APCDD1: variants seen among roughly 807,000 people sequenced by gnomAD.
APCDD1 encodes APC down-regulated 1, also known as protein APCDD1.
APCDD1 carries 15 observed loss-of-function variants against 38.1 expected under a neutral mutation model. The ratio of observed to expected loss-of-function variants is 0.39; its 90% confidence interval spans 0.26 to 0.61. The LOEUF is 0.61. APCDD1 is among the 20% of genes least tolerant of loss of function. APCDD1 has a pLI of 0.49. For synonymous variants in APCDD1, 261 were observed against 279.7 expected (o/e 0.93, Z 0.67); for missense variants, 647 against 696.2 (o/e 0.93, Z 0.79).
In APCDD1 at chr18:10,485,452, T is replaced by C. The variant is rs751072365; in HGVS notation, c.775-10T>C. The C allele has an allele frequency of 2.9e-5, 46 of 1,613,618 alleles. No homozygotes were observed. Among genetic ancestry groups the C allele is most frequent in the Non-Finnish European group, 3.6e-5 (43 of 1,180,044 alleles). ...AGAGGCCTCTGAATGTGTTTGTTTC[T>C]TGGCTTCAGAACCACGACCATGCCT... On this transcript the variant is annotated splice_polypyrimidine_tract_variant and intron_variant, in intron 3 of 4. Transcript: ENST00000355285. The surrounding 1 kb of genome is among the most constrained non-coding windows in gnomAD (Gnocchi z 5.8).
chr18:10,455,952 A>G (rs2030370745), intron 1 of APCDD1, among the ~76,000 whole-genome samples: 2 of 152,184 alleles, frequency 1.3e-5, no homozygotes, highest in Admixed American at 6.5e-5. Context: ...CTGACGTTTC[A>G]ACAGCATGAC....
At chr18:10,455,104 C>A (rs2030341442) in intron 1 of APCDD1, 65 bp downstream of exon 1, 2 of 1,541,724 alleles carry the variant, frequency 1.3e-6, no homozygotes, top group Non-Finnish European at 1.7e-6. Flanking sequence ...CCGCGGAGCC[C>A]GCGGAGGCGT....
At position 10,454,985 on chromosome 18, in the gene APCDD1, T is replaced by C. The variant is rs767678347; in HGVS notation, c.4T>C (p.Ser2Pro). M[S>P]WPRRLLLRYL... ...AGGCCCCAGAGCAGGACTGGAAATG[T>C]CCTGGCCGCGCCGCCTCCTGCTCAG... Residue 2 changes from serine (S) to proline (P), a missense_variant, in exon 1 of 5, where the codon TCC (serine) becomes CCC (proline). Coordinates refer to ENST00000355285, the MANE Select transcript of APCDD1 (RefSeq NM_153000.5). 11 of 1,551,854 alleles carry C rather than the reference T, an allele frequency of 7.1e-6. No individual in the cohort carries two copies. Among genetic ancestry groups the C allele is most frequent in the African/African-American group, 1.4e-5 (1 of 72,562 alleles).
At position 10,482,504 on chromosome 18, in the gene APCDD1, G is replaced by A. The variant is rs139475284; in HGVS notation, c.775-2958G>A. 1.9e-3 allele frequency among the ~76,000 whole-genome samples: 291 copies of A among 152,324 alleles called. 1 individual carries two copies. The highest frequency in any genetic ancestry group is 0.015 in the East Asian group (79 of 5,172). ...GCGCTTCTTGTTACCCTGATGGTAC[G>A]AGTGCTTCATGTGGCCTCTCTTATT... On this transcript the variant is annotated intron_variant, in intron 3 of 4. Coordinates refer to ENST00000355285, the MANE Select transcript of APCDD1 (RefSeq NM_153000.5).
At chr18:10,487,506 G>A in intron 4 of APCDD1, 84 bp from the exon 5 acceptor site, 7 of 1,355,432 alleles carry the variant, frequency 5.2e-6, no homozygotes, top group Non-Finnish European at 7.4e-6. Flanking sequence ...TGTCTAGTTA[G>A]AGTGTGGCCA....
chr18:10,487,839 C>A lies in APCDD1; in HGVS notation c.1346C>A (p.Pro449Gln). The part of the protein sequence containing the change: ...NGQRPSDGSS[P>Q]DRPEKRATSY... ...CAGAGGCCCAGCGACGGGTCCAGCC[C>A]AGACAGGCCAGAGAAGAGAGCCACG... is the stretch of plus-strand genomic sequence containing the variant. Residue 449 changes from proline to glutamine, a missense_variant, in exon 5 of 5, where the codon CCA becomes CAA. Pro to Gln is a moderately conservative substitution (Grantham distance 76). Transcript: ENST00000355285. 4 of 1,613,986 alleles carry A rather than the reference C, an allele frequency of 2.5e-6. No homozygotes were observed. Among genetic ancestry groups the A allele is most frequent in the Non-Finnish European group, 3.4e-6 (4 of 1,180,040 alleles).
At chr18:10,481,808 C>T (rs1481636463) in intron 3 of APCDD1, among the ~76,000 whole-genome samples, 2 of 149,996 alleles carry the variant, frequency 1.3e-5, no homozygotes, top group Non-Finnish European at 3.0e-5. Flanking sequence ...CTCCCTGCGC[C>T]TGTGCTCTCC....
intron 3 of APCDD1, among the ~76,000 whole-genome samples, chr18:10,478,849 G>T (rs2031068809): frequency 6.6e-6 from 1 of 152,088 alleles, no homozygotes; most frequent in South Asian, 2.1e-4. Flanking sequence ...ATCAAAATGA[G>T]CCCCAATTCA....
intron 1 of APCDD1, among the ~76,000 whole-genome samples, chr18:10,468,154 C>CACA (rs1296359118): frequency 5.9e-5 from 9 of 152,226 alleles, no homozygotes; most frequent in African/African-American, 2.2e-4. Context: ...TCCTCAGATG[C>CACA]ACAACCTTCA....
chr18:10,464,327 C>CAT (rs2030649413), intron 1 of APCDD1, among the ~76,000 whole-genome samples: 1 of 150,372 alleles, frequency 6.7e-6, no homozygotes, highest in South Asian at 2.1e-4. Flanking sequence ...CACACACACA[C>CAT]ACACACACAC....
chr18:10,485,686 G>A lies in APCDD1; in HGVS notation c.999G>A (p.Val333=). 20 of 1,614,202 alleles carry A rather than the reference G, an allele frequency of 1.2e-5. No homozygotes were observed. Among genetic ancestry groups the A allele is most frequent in the Non-Finnish European group, 1.7e-5 (20 of 1,180,042 alleles). The change falls in exon 4 of 5, where the codon GTG becomes GTA. Residue 333 remains valine (V), a synonymous_variant. Coordinates refer to ENST00000355285, the MANE Select transcript of APCDD1 (RefSeq NM_153000.5). The surrounding 1 kb of genome is among the most constrained non-coding windows in gnomAD (Gnocchi z 5.8). ...ACTACTACCACTACTCAGACCCGGT[G>A]TGCAAGCACCCCACCTTCTCCATCT... ...EGHYYHYSDP[V]CKHPTFSIYA...
At chr18:10,482,664 T>A (rs927848056) in intron 3 of APCDD1, among the ~76,000 whole-genome samples, 1 of 152,062 alleles carries the variant, frequency 6.6e-6, no homozygotes, top group Non-Finnish European at 1.5e-5. Flanking sequence ...GAATCCAAGT[T>A]CCCAGCCAGT....
rs148353266 is a variant in APCDD1 at position 10,458,630 on chromosome 18, C to G, written c.58+3591C>G. ...TTCTTTTATACTAGCTGAGTTCATTCTTTTTCCCCTTAAATGAGAAAAGAA... is the reference window on the plus strand; with the variant it reads ...TTCTTTTATACTAGCTGAGTTCATTGTTTTTCCCCTTAAATGAGAAAAGAA... On this transcript the variant is annotated intron_variant, in intron 1 of 4. Transcript: ENST00000355285. Among the ~76,000 whole-genome samples, 733 of 152,262 alleles carry G rather than the reference C, an allele frequency of 4.8e-3. 3 individuals are homozygous for G. Among genetic ancestry groups the G allele is most frequent in the Non-Finnish European group, 8.6e-3 (585 of 68,020 alleles).
rs1261981648 is a variant in APCDD1 at position 10,467,168 on chromosome 18, G to A, written c.59-1301G>A. On this transcript the variant is annotated intron_variant, in intron 1 of 4. Transcript: ENST00000355285. The surrounding 1 kb of genome is among the most constrained non-coding windows in gnomAD (Gnocchi z 4.8). ...AGATATCTGAAGTTACCATCCTGCAGGTCTCAGTTTATCCAGGTAGATTTT... is the reference window on the plus strand; with the variant it reads ...AGATATCTGAAGTTACCATCCTGCAAGTCTCAGTTTATCCAGGTAGATTTT... Among the ~76,000 whole-genome samples the A allele has an allele frequency of 1.3e-5, 2 of 152,144 alleles. No individual in the cohort carries two copies. The highest frequency in any genetic ancestry group is 6.5e-5 in the Admixed American group (1 of 15,282).
rs114473881 is a variant in APCDD1, at chr18:10,487,621, G to A, written c.1128G>A (p.Ala376=). The A allele has an allele frequency of 5.5e-5, 89 of 1,614,134 alleles. No individual in the cohort carries two copies. In the African/African-American group the frequency reaches 9.1e-4, roughly 16 times the overall value. The change falls in exon 5 of 5, where the codon GCG becomes GCA. Residue 376 remains alanine, a synonymous_variant. Transcript: ENST00000355285. ...VNHMKVTPMD[A]ATASLLNVFN... ...ACATGAAGGTCACCCCCATGGATGC[G>A]GCCACAGCCTCACTGCTCAACGTCT...
chr18:10,459,676 A>T (rs1041948609), intron 1 of APCDD1, among the ~76,000 whole-genome samples: 1 of 152,254 alleles, frequency 6.6e-6, no homozygotes, highest in African/African-American at 2.4e-5. Flanking sequence ...ACAGTCTGCA[A>T]TACATACATG....
At position 10,472,261 on chromosome 18, in the gene APCDD1, G is replaced by A. The variant is rs981032074; in HGVS notation, c.774+200G>A. Among the ~76,000 whole-genome samples the A allele has an allele frequency of 2.0e-5, 3 of 152,086 alleles. No homozygotes were observed. The highest frequency in any genetic ancestry group is 4.4e-5 in the Non-Finnish European group (3 of 68,004). ...GTGCTTTAGCCAGTCAGGAGACCTG[G>A]GTCTGCCACCAACTTGCTCTGTGAC... On this transcript the variant is annotated intron_variant, in intron 3 of 4. Coordinates refer to ENST00000355285, the MANE Select transcript of APCDD1 (RefSeq NM_153000.5). The surrounding 1 kb of genome is among the most constrained non-coding windows in gnomAD (Gnocchi z 6.6).
At chr18:10,462,647 T>C (rs866024512) in intron 1 of APCDD1, among the ~76,000 whole-genome samples, 40 of 94,224 alleles carry the variant, frequency 4.2e-4, no homozygotes, top group East Asian at 1.1e-3. Flanking sequence ...CCCTCCCTCC[T>C]TCCTTCCTTC....
At chr18:10,466,621 C>T (rs773496329) in intron 1 of APCDD1, among the ~76,000 whole-genome samples, 24 of 152,064 alleles carry the variant, frequency 1.6e-4, no homozygotes, top group Non-Finnish European at 3.4e-4. Context: ...GTGACTTCAC[C>T]AGGGGAGGGC....
Sources: allele counts gnomAD v4.1 joint callset (sites outside exome capture counted in the v4.1 genomes callset), GRCh38; gene constraint gnomAD v4.1.1; non-coding constraint Gnocchi (gnomAD v3.1); transcripts MANE v1.5; gene names NCBI Gene and HGNC (gene_info 2026-07-23, HGNC 2026-07-21).